Variants in TTC39A observed in about 807,000 individuals in gnomAD.
The protein encoded by TTC39A is tetratricopeptide repeat domain 39A.
Under a neutral mutation model 82.3 loss-of-function variants are expected in TTC39A, and 46 were observed. That is an observed-to-expected ratio of 0.56 (90% CI 0.44 to 0.71). The LOEUF (loss-of-function observed/expected upper bound fraction) is 0.71. TTC39A is among the 30% of genes least tolerant of loss of function. The pLI is 0.00. For synonymous variants in TTC39A, 254 were observed against 275.2 expected (o/e 0.92, Z 0.76); for missense variants, 543 against 712.9 (o/e 0.76, Z 2.71).
intron 1 of TTC39A, chr1:51,343,050 C>T (rs1646056630): frequency 2.2e-6 from 1 of 456,286 alleles, no homozygotes; most frequent in Admixed American, 2.3e-5. Context: ...GGACGATGCA[C>T]AACTGGATTC....
At chr1:51,292,320 T>C (rs1644254233) in intron 14 of TTC39A, among the ~76,000 whole-genome samples, 1 of 152,252 alleles carries the variant, frequency 6.6e-6, no homozygotes, top group African/African-American at 2.4e-5. Flanking sequence ...AGCCATAAAG[T>C]TCTAGAAAGA....
At position 51,321,650 on chromosome 1, in the gene TTC39A, C is replaced by T; in HGVS notation, c.146+71G>A. 1.4e-6 allele frequency: 2 copies of T among 1,430,594 alleles called. No individual in the cohort carries two copies. Among genetic ancestry groups the T allele is most frequent in the Non-Finnish European group, 9.7e-7 (1 of 1,029,688 alleles). 88.6% of individuals were successfully genotyped at this position (1,430,594 alleles called of 1,614,324 possible). Reference sequence around the variant, plus strand: ...AGGCATTTAGTTACACAGGGTTCCTCTCATACAAGACCTCTGGTTCTCCCT... The same window carrying T: ...AGGCATTTAGTTACACAGGGTTCCTTTCATACAAGACCTCTGGTTCTCCCT... On this transcript the variant is annotated intron_variant, in intron 2 of 17. Transcript: ENST00000680483. The surrounding 1 kb of genome is among the most constrained non-coding windows in gnomAD (Gnocchi z 4.6).
chr1:51,303,490 G>A (rs1263260567), intron 8 of TTC39A, among the ~76,000 whole-genome samples: 2 of 152,312 alleles, frequency 1.3e-5, no homozygotes, highest in African/African-American at 2.4e-5. Flanking sequence ...GCCGCCCTGC[G>A]ATGGGTATTG....
In TTC39A at chr1:51,312,863, TC is replaced by T. The variant is rs1259512410; in HGVS notation, c.226del (p.Asp76ThrfsTer8). 1 of 1,613,826 alleles carries T rather than the reference TC, an allele frequency of 6.2e-7. No homozygotes were observed. Among genetic ancestry groups the T allele is most frequent in the Non-Finnish European group, 8.5e-7 (1 of 1,179,848 alleles). On this transcript the variant is annotated frameshift_variant, in exon 3 of 18. Transcript: ENST00000680483. LOFTEE classifies it high-confidence loss of function. ...CATCATGTTGCCGGCAAGCAGGATG[TC>T]CTGAGGGTCAAAGGTCATCATGGCC... Reference protein sequence around the residue: ...MQAMMTFDPQDILLAGNMMKE... With the variant: ...MQAMMTFDPQXILLAGNMMKE...
rs201179591 is a variant in TTC39A at position 51,321,761 on chromosome 1, T to C, written c.106A>G (p.Thr36Ala). 9 of 1,613,896 alleles carry C rather than the reference T, an allele frequency of 5.6e-6. No individual in the cohort carries two copies. Among genetic ancestry groups the C allele is most frequent in the Non-Finnish European group, 7.6e-6 (9 of 1,179,848 alleles). The change falls in exon 2 of 18, where the codon ACC becomes GCC. Residue 36 changes from threonine to alanine, a missense_variant. Thr to Ala is a moderately conservative substitution (Grantham distance 58). Transcript: ENST00000680483. The surrounding 1 kb of genome is among the most constrained non-coding windows in gnomAD (Gnocchi z 4.6). The stretch of plus-strand genomic sequence containing the variant: ...CTGAGTGCTTCTGAGAACTGGTTGG[T>C]GAGGAAGAGGTCCAGGGCGGTCATG... The part of the protein sequence containing the change: ...QCMTALDLFL[T>A]NQFSEALSYL...
At chr1:51,315,704 T>C (rs940455281) in intron 2 of TTC39A, among the ~76,000 whole-genome samples, 1 of 152,212 alleles carries the variant, frequency 6.6e-6, no homozygotes, top group African/African-American at 2.4e-5. Context: ...CTCCTCCCAC[T>C]CCAGCCAAGG....
At chr1:51,306,957 C>G (rs1267876288) in intron 6 of TTC39A, among the ~76,000 whole-genome samples, 1 of 150,134 alleles carries the variant, frequency 6.7e-6, no homozygotes, top group Non-Finnish European at 1.5e-5. Context: ...AAAGGCTTCC[C>G]TGAGGAGGTG....
intron 1 of TTC39A, among the ~76,000 whole-genome samples, chr1:51,326,777 G>C (rs547015628): frequency 2.6e-5 from 4 of 152,312 alleles, no homozygotes; most frequent in African/African-American, 9.6e-5. Context: ...TTCTCCACAG[G>C]CTGCCCCTGC....
intron 15 of TTC39A, 34 bp from the exon 16 acceptor site, chr1:51,290,153 T>A: frequency 6.3e-7 from 1 of 1,596,394 alleles, no homozygotes; most frequent in Non-Finnish European, 8.6e-7. Flanking sequence ...AAAGACAGAC[T>A]TGTTCATTTC....
At position 51,302,038 on chromosome 1, in the gene TTC39A, C is replaced by T. The variant is rs1005187999; in HGVS notation, c.892-305G>A. 26 of 699,288 alleles carry T rather than the reference C, an allele frequency of 3.7e-5. No homozygotes were observed. The Middle Eastern group carries it at 6.9e-4, about 19-fold the overall frequency. 43.3% of individuals were successfully genotyped at this position (699,288 alleles called of 1,614,324 possible). ...GGGAGGTACCAGACTCCAGCCTAAT[C>T]GTCATGCCCTAAACAGATGGGCTTT... On this transcript the variant is annotated intron_variant, in intron 11 of 17. Coordinates refer to ENST00000680483, the MANE Select transcript of TTC39A (RefSeq NM_001297663.2).
At chr1:51,325,225 G>A (rs1645669217) in intron 1 of TTC39A, among the ~76,000 whole-genome samples, 1 of 150,454 alleles carries the variant, frequency 6.6e-6, no homozygotes, top group Non-Finnish European at 1.5e-5. Context: ...TTACATTCCA[G>A]CTTGGGCAAC....
At chr1:51,335,033 A>G (rs1645957704), upstream of TTC39A, 2 of 152,280 alleles carry the variant, frequency 1.3e-5, no homozygotes, top group Non-Finnish European at 2.9e-5. Flanking sequence ...CCTTGAGGTG[A>G]CAGCTGGGCC....
intron 5 of TTC39A, 75 bp downstream of exon 5, chr1:51,311,178 AG>A (rs1645069205): frequency 2.1e-6 from 3 of 1,407,998 alleles, no homozygotes; most frequent in Admixed American, 4.1e-5. Context: ...CAGTTGCTCT[AG>A]GGGATGGGTC....
rs2148085322 is a variant in TTC39A, at chr1:51,287,559, T to G, written c.*598A>C. On this transcript the variant is annotated 3_prime_UTR_variant, in exon 18 of 18. Transcript: ENST00000680483. ...ACGTGCTTGATTTTTAAATTGGAAA[T>G]TTACAAAAGGAGTGAAATGAAGTGT... The G allele has an allele frequency of 6.6e-6, 1 of 152,336 alleles. No homozygotes were observed. The highest frequency in any genetic ancestry group is 2.4e-5 in the African/African-American group (1 of 41,566). The allele number at this position is 152,336 out of a possible 1,614,324, so 9.4% of individuals were successfully genotyped here.
In TTC39A at chr1:51,321,948, C is replaced by T. The variant is rs940954872; in HGVS notation, c.42-123G>A. 11 of 1,309,018 alleles carry T rather than the reference C, an allele frequency of 8.4e-6. No homozygotes were observed. The highest frequency in any genetic ancestry group is 1.2e-5 in the Non-Finnish European group (11 of 941,948). The allele number at this position is 1,309,018 out of a possible 1,614,324, so 81.1% of individuals were successfully genotyped here. ...GCCAGCCTTGGGTGCCTGTCACGAG[C>T]TCCTCCAGGCTGCCACTCTGTACTG... On this transcript the variant is annotated intron_variant, in intron 1 of 17. Transcript: ENST00000680483. The surrounding 1 kb of genome is among the most constrained non-coding windows in gnomAD (Gnocchi z 4.6).
chr1:51,330,917 G>A, upstream of TTC39A: 1 of 607,508 alleles, frequency 1.6e-6, no homozygotes, highest in Non-Finnish European at 3.0e-6. This position sits in a 1 kb window ranked among gnomAD's most constrained non-coding sequence, Gnocchi z 4.5. Context: ...CCATCCTCCC[G>A]CATTAATGGG....
At chr1:51,291,973 T>C (rs977154042) in intron 14 of TTC39A, among the ~76,000 whole-genome samples, 3 of 152,078 alleles carry the variant, frequency 2.0e-5, no homozygotes, top group Non-Finnish European at 4.4e-5. Context: ...TTAGAGGATC[T>C]CTTGAGCCCT....
Position 51,309,312 on chromosome 1 carries a change from A to G in TTC39A, c.437T>C (p.Val146Ala). 1 of 1,612,838 alleles carries G rather than the reference A, an allele frequency of 6.2e-7. No individual in the cohort carries two copies. The highest frequency in any genetic ancestry group is 8.5e-7 in the Non-Finnish European group (1 of 1,179,504). ...TTTGATGCCGCCTTTGATGAAGCTC[A>G]CCATGTTCTCGTCCTGCAGGAGGAA... Reference protein sequence around the residue: ...ALTFLQDENMVSFIKGGIKVR... With the variant: ...ALTFLQDENMASFIKGGIKVR... Residue 146 changes from valine (V) to alanine (A), a missense_variant, in exon 6 of 18, where the codon GTG becomes GCG. Transcript: ENST00000680483.
chr1:51,309,370 T>G (rs1035286091), intron 5 of TTC39A, 45 bp from the exon 6 acceptor site: 21 of 1,612,152 alleles, frequency 1.3e-5, no homozygotes, highest in Non-Finnish European at 1.8e-5. Context: ...GGTGGGCAGC[T>G]GCAGGCGTGA....
Sources: gnomAD v4.1 joint callset for allele counts (sites outside exome capture counted in the v4.1 genomes callset) on GRCh38, gnomAD v4.1.1 for gene constraint, Gnocchi (gnomAD v3.1) non-coding constraint, MANE v1.5 for transcripts, NCBI Gene and HGNC (gene_info 2026-07-23, HGNC 2026-07-21) for gene names.